The following PLIN2 variants were observed in gnomAD, a reference collection of about 807,000 sequenced individuals.
PLIN2 encodes perilipin-2.
In PLIN2, 33 loss-of-function variants were observed where a neutral mutation model predicts 30.6. That is an observed-to-expected ratio of 1.08 (90% CI 0.82 to 1.44). PLIN2 has a LOEUF of 1.44. Among genes scored for constraint, PLIN2 ranks in the 40% most tolerant of loss-of-function variants. PLIN2 has a pLI of 0.00. For missense variants in PLIN2, 610 were observed against 531.8 expected (o/e 1.15, Z -1.45); for synonymous variants, 205 against 201.1 (o/e 1.02, Z -0.16).
chr9:19,118,190 C>G (rs537438257), intron 7 of PLIN2, 131 bp downstream of exon 7: 28 of 864,408 alleles, frequency 3.2e-5, no homozygotes, highest in Non-Finnish European at 4.6e-5. Context: ...TAACTAGCCA[C>G]CTATGTACAT....
Position 19,118,364 on chromosome 9 carries a change from C to CT in PLIN2, c.868dup (p.Arg290LysfsTer6). 1.2e-6 allele frequency: 2 copies of CT among 1,613,784 alleles called. No individual in the cohort carries two copies. The highest frequency in any genetic ancestry group is 1.7e-6 in the Non-Finnish European group (2 of 1,179,762). On this transcript the variant is annotated frameshift_variant, in exon 7 of 8. Transcript: ENST00000276914. LOFTEE classifies it low-confidence loss of function (END_TRUNC). ...ATCAGTATCATCATATCCAATGCTC[C>CT]TTTTCCACTCTACCCATGAGAGGTA...
intron 3 of PLIN2, 73 bp downstream of exon 3, chr9:19,126,041 T>G (rs1334584981): frequency 7.7e-7 from 1 of 1,292,480 alleles, no homozygotes; most frequent in Middle Eastern, 1.9e-4. Context: ...GAGTTCCAGA[T>G]GTTACTGCTG....
At chr9:19,118,482 A>G (rs201106582) in intron 6 of PLIN2, 27 bp from the exon 7 acceptor site, 2 of 1,603,948 alleles carry the variant, frequency 1.2e-6, no homozygotes, top group Non-Finnish European at 1.7e-6. Context: ...AAGACAAAGG[A>G]ACACACAAGT....
At position 19,121,083 on chromosome 9, in the gene PLIN2, G is replaced by C; in HGVS notation, c.392C>G (p.Ala131Gly). 6.2e-7 allele frequency: 1 copy of C among 1,614,124 alleles called. No individual in the cohort carries two copies. Among genetic ancestry groups the C allele is most frequent in the Non-Finnish European group, 8.5e-7 (1 of 1,179,992 alleles). ...TTVTGAKDSV[A>G]STITGVMDKT... is the part of the protein sequence containing the mutation. ...GTCCATCACCCCTGTGATCGTGCTG[G>C]CCACAGAATCCTTGGCCCCAGTCAC... Residue 131 changes from alanine to glycine, a missense_variant, in exon 5 of 8, where the codon GCC (alanine) becomes GGC (glycine). Physicochemically the swap from Ala to Gly is moderately conservative, Grantham distance 60. Transcript: ENST00000276914.
chr9:19,122,947 T>C (rs930680830), intron 4 of PLIN2, among the ~76,000 whole-genome samples: 13 of 152,230 alleles, frequency 8.5e-5, no homozygotes, highest in African/African-American at 2.9e-4. Flanking sequence ...TACTCTGTGA[T>C]GTTCACACAA....
rs776355767 is a variant in PLIN2, at chr9:19,123,600, C to T, written c.274G>A (p.Glu92Lys). 3.1e-6 allele frequency: 5 copies of T among 1,614,202 alleles called. No homozygotes were observed. Among genetic ancestry groups the T allele is most frequent in the Non-Finnish European group, 4.2e-6 (5 of 1,180,038 alleles). The change falls in exon 4 of 8, where the codon GAG becomes AAG. Residue 92 changes from glutamate to lysine, a missense_variant. By Grantham distance (56) the Glu-to-Lys change is moderately conservative (BLOSUM62 1). Coordinates refer to ENST00000276914, the MANE Select transcript of PLIN2 (RefSeq NM_001122.4). ...YACKGLDRIE[E>K]RLPILNQPST... ...GGCTGATTCAGAATAGGCAGTCTCTCCTCAATCCTGTCTAGCCCCTTACAG... is the reference window on the plus strand; with the variant it reads ...GGCTGATTCAGAATAGGCAGTCTCTTCTCAATCCTGTCTAGCCCCTTACAG...
At chr9:19,111,109 G>A (rs1458483462), downstream of PLIN2, among the ~76,000 whole-genome samples, 3 of 151,828 alleles carry the variant, frequency 2.0e-5, no homozygotes, top group Admixed American at 1.3e-4. Flanking sequence ...CCAAGCTGGA[G>A]TGCAGTGATG....
At chr9:19,109,216 T>C (rs72698303) in intron 2 of PLIN2, among the ~76,000 whole-genome samples, 6,087 of 152,154 alleles carry the variant, frequency 0.04, 178 homozygotes, top group Non-Finnish European at 0.057. Context: ...TTATATACAA[T>C]TTCGATAAGC....
rs755564769 is a variant in PLIN2 at position 19,126,328 on chromosome 9, G to T, written c.31-19C>A. ...CCACACTCTGCAATCAAAGTAGGGA[G>T]GGTATGCTTATTAATCTCTCAAAAC... On this transcript the variant is annotated intron_variant, in intron 2 of 7. Coordinates refer to ENST00000276914, the MANE Select transcript of PLIN2 (RefSeq NM_001122.4). 2 of 1,613,468 alleles carry T rather than the reference G, an allele frequency of 1.2e-6. No individual in the cohort carries two copies. Among genetic ancestry groups the T allele is most frequent in the Non-Finnish European group, 1.7e-6 (2 of 1,179,436 alleles).
chr9:19,118,063 C>T, intron 7 of PLIN2, among the ~76,000 whole-genome samples: 1 of 152,142 alleles, frequency 6.6e-6, no homozygotes, highest in Admixed American at 6.6e-5. Context: ...TTAGTCTGTA[C>T]CCATTATGAG....
intron 4 of PLIN2, 157 bp downstream of exon 4, chr9:19,123,408 G>C: frequency 6.4e-7 from 1 of 1,551,936 alleles, no homozygotes; most frequent in Non-Finnish European, 8.7e-7. Context: ...CAACAGTTCA[G>C]GAAGTAAGGA....
chr9:19,114,298 G>A (rs1297062181), downstream of PLIN2, among the ~76,000 whole-genome samples: 1 of 152,144 alleles, frequency 6.6e-6, no homozygotes, highest in Non-Finnish European at 1.5e-5. Context: ...GAGAGAAAGG[G>A]GTGAACCAGG....
chr9:19,114,584 T>A (rs1267061383), downstream of PLIN2, among the ~76,000 whole-genome samples: 1 of 151,668 alleles, frequency 6.6e-6, no homozygotes, highest in African/African-American at 2.4e-5. Context: ...TTGTATTTTT[T>A]GTAGAGAAAG....
chr9:19,120,982 C>T lies in PLIN2; in HGVS notation c.493G>A (p.Gly165Arg), dbSNP rs78408401. 1.2e-6 allele frequency: 2 copies of T among 1,614,178 alleles called. No individual in the cohort carries two copies. Among genetic ancestry groups the T allele is most frequent in the Non-Finnish European group, 1.7e-6 (2 of 1,180,026 alleles). ...VVSGSINTVL[G>R]SRMMQLVSSG... ...CTCACGAGCTGCATCATCCGACTCC[C>T]CAAGACTGTGTTAATGCTGCCACTG... is the stretch of plus-strand genomic sequence containing the variant. Residue 165 changes from glycine to arginine, a missense_variant, in exon 5 of 8, where the codon GGG (glycine) becomes AGG (arginine). Physicochemically the swap from Gly to Arg is moderately radical, Grantham distance 125. Coordinates refer to ENST00000276914, the MANE Select transcript of PLIN2 (RefSeq NM_001122.4).
Position 19,116,313 on chromosome 9 carries a change from C to T in PLIN2, c.1249G>A (p.Asp417Asn). 6.2e-7 allele frequency: 1 copy of T among 1,613,792 alleles called. No individual in the cohort carries two copies. Among genetic ancestry groups the T allele is most frequent in the Non-Finnish European group, 8.5e-7 (1 of 1,179,984 alleles). The change falls in exon 8 of 8, where the codon GAC becomes AAC. Residue 417 changes from aspartate to asparagine, a missense_variant. Transcript: ENST00000276914. ...PQLTESQNAQ[D>N]QGAEMDKSSQ... ...CTCTTGTCCATCTCTGCACCTTGGT[C>T]CTGAGCATTCTGAGACTCAGTCAGC... is the stretch of plus-strand genomic sequence containing the variant.
downstream of PLIN2, among the ~76,000 whole-genome samples, chr9:19,115,294 C>T (rs1818204259): frequency 6.6e-6 from 1 of 151,318 alleles, no homozygotes; most frequent in African/African-American, 2.4e-5. Context: ...TGTTATCAAG[C>T]ATCCTATTTT....
downstream of PLIN2, among the ~76,000 whole-genome samples, chr9:19,110,933 A>C (rs150578832): frequency 6.4e-3 from 975 of 152,310 alleles, 10 homozygotes; most frequent in African/African-American, 0.022. Flanking sequence ...TCTAATCTGC[A>C]GGCCCAGTTT....
chr9:19,117,206 G>A (rs992461021), intron 7 of PLIN2, among the ~76,000 whole-genome samples: 4 of 151,634 alleles, frequency 2.6e-5, no homozygotes, highest in Non-Finnish European at 5.9e-5. Flanking sequence ...TGTTGCCCAG[G>A]CTGGAGGGCA....
rs199905746 is a variant in PLIN2 at position 19,121,166 on chromosome 9, C to A, written c.310-1G>T. On this transcript the variant is annotated splice_acceptor_variant, in intron 4 of 7. Coordinates refer to ENST00000276914, the MANE Select transcript of PLIN2 (RefSeq NM_001122.4). LOFTEE classifies it high-confidence loss of function. ...CAGCGCCTTTGGCATTGGCAACAAT[C>A]TGTAAGTAGAAAAGCAGATCCCCTG... The A allele has an allele frequency of 3.7e-6, 6 of 1,613,322 alleles. No individual in the cohort carries two copies. In the African/African-American group the frequency reaches 4.0e-5, roughly 11 times the overall value.
Sources: allele counts gnomAD v4.1 joint callset (sites outside exome capture counted in the v4.1 genomes callset), GRCh38; gene constraint gnomAD v4.1.1; transcripts MANE v1.5; gene names NCBI Gene and HGNC (gene_info 2026-07-23, HGNC 2026-07-21).